TAF1C: variants seen among roughly 807,000 people sequenced by gnomAD.
The protein encoded by TAF1C is TATA-box binding protein associated factor, RNA polymerase I subunit C.
Under a neutral mutation model 70.5 loss-of-function variants are expected in TAF1C, and 79 were observed. That is an observed-to-expected ratio of 1.12 (90% CI 0.93 to 1.35). The LOEUF (loss-of-function observed/expected upper bound fraction) is 1.35, where lower values mean the gene tolerates loss of function less well. Among genes scored for constraint, TAF1C ranks in the 40% most tolerant of loss-of-function variants. The probability of loss-of-function intolerance (pLI) is 0.00; values close to 1 mark genes in which losing one functional copy is unlikely to be tolerated. For missense variants in TAF1C, 1,412 were observed against 1,127.8 expected (o/e 1.25, Z -3.61); for synonymous variants, 614 against 491.1 (o/e 1.25, Z -3.31).
In TAF1C at chr16:84,181,920, A is replaced by C. The variant is rs2089222474; in HGVS notation, c.838+22T>G. 2.5e-6 allele frequency: 4 copies of C among 1,614,060 alleles called. No individual in the cohort carries two copies. The Admixed American group carries it at 5.0e-5, about 20-fold the overall frequency. On this transcript the variant is annotated intron_variant, in intron 8 of 14. Transcript: ENST00000566732. ...GTAGCAGGTCAGCCAGTGAGGGAGG[A>C]AAGTGTATATAAGGGCCTTACTTTC...
chr16:84,183,029 C>T (rs755336465), intron 6 of TAF1C, 47 bp downstream of exon 6: 1 of 1,601,488 alleles, frequency 6.2e-7, no homozygotes, highest in East Asian at 2.2e-5. Context: ...TACATCCCCA[C>T]CACCAGCTAT....
intron 12 of TAF1C, 193 bp downstream of exon 12, chr16:84,180,850 G>T (rs1469714600): frequency 2.1e-6 from 3 of 1,408,368 alleles, no homozygotes; most frequent in Non-Finnish European, 2.8e-6. Context: ...GAGGCCCTGG[G>T]AGAGCTTCCC....
chr16:84,183,126 C>T lies in TAF1C; in HGVS notation c.432G>A (p.Val144=), dbSNP rs769746792. The change falls in exon 6 of 15, where the codon GTG becomes GTA. Residue 144 remains valine, a synonymous_variant. Transcript: ENST00000566732. ...GAGSRTKKKT[V]VSVKKLLQDL... ...CCTGGAGCAGCTTCTTCACACTGAC[C>T]ACTGTCTTCTTCTTAGTGCGGCTCT... 3 of 1,614,126 alleles carry T rather than the reference C, an allele frequency of 1.9e-6. No individual in the cohort carries two copies. In the Admixed American group the frequency reaches 5.0e-5, roughly 27 times the overall value.
In TAF1C at chr16:84,180,300, C is replaced by A. The variant is rs1275517206; in HGVS notation, c.1353G>T (p.Met451Ile). Reference protein sequence around the residue: ...LVDERLPLVPMLKWNHGLPSP... With the variant: ...LVDERLPLVPILKWNHGLPSP... Reference sequence around the variant, plus strand: ...AGGGGAGGCCATGGTTCCACTTCAGCATCGGCACCAGGGGAAGGCGCTCGT... The same window carrying A: ...AGGGGAGGCCATGGTTCCACTTCAGAATCGGCACCAGGGGAAGGCGCTCGT... The change falls in exon 13 of 15, where the codon ATG (methionine) becomes ATT (isoleucine). Residue 451 changes from methionine (M) to isoleucine (I), a missense_variant. Transcript: ENST00000566732. 3.2e-6 allele frequency: 5 copies of A among 1,548,804 alleles called. No individual in the cohort carries two copies. The highest frequency in any genetic ancestry group is 3.5e-6 in the Non-Finnish European group (4 of 1,147,998).
At chr16:84,186,526 C>A (rs1359474409) in intron 1 of TAF1C, among the ~76,000 whole-genome samples, 1 of 152,346 alleles carries the variant, frequency 6.6e-6, no homozygotes, top group East Asian at 1.9e-4. Flanking sequence ...GCACTCCAGC[C>A]TGGGTGACAG....
rs2089151887 is a variant in TAF1C at position 84,181,036 on chromosome 16, C to T, written c.1308+7G>A. The T allele has an allele frequency of 1.3e-6, 2 of 1,597,580 alleles. No homozygotes were observed. The highest frequency in any genetic ancestry group is 1.7e-6 in the Non-Finnish European group (2 of 1,166,724). On this transcript the variant is annotated splice_region_variant and intron_variant, in intron 12 of 14. Transcript: ENST00000566732. ...GGTGGGGCGGGGCGGTGTTGTGTGC[C>T]ACTCACCTGGGTACAGACGAGATGA... is the stretch of plus-strand genomic sequence containing the variant.
At chr16:84,181,725 G>C in intron 9 of TAF1C, 21 bp downstream of exon 9, 3 of 1,613,728 alleles carry the variant, frequency 1.9e-6, no homozygotes, top group Non-Finnish European at 2.5e-6. Flanking sequence ...CCTCCTCACC[G>C]ACCAACCTGA....
rs1308067052 is a variant in TAF1C at position 84,180,356 on chromosome 16, G to A, written c.1309-12C>T. 2.6e-6 allele frequency: 4 copies of A among 1,535,414 alleles called. No homozygotes were observed. The highest frequency in any genetic ancestry group is 3.5e-6 in the Non-Finnish European group (4 of 1,145,072). ...AGGTAGAGAGAGAACTGGGGCCCGA[G>A]AAGGAAGGGGGATGTGGCCGAACTT... On this transcript the variant is annotated splice_polypyrimidine_tract_variant and intron_variant, in intron 12 of 14. Transcript: ENST00000566732.
intron 6 of TAF1C, 53 bp downstream of exon 6, chr16:84,183,023 T>C: frequency 6.3e-7 from 1 of 1,590,668 alleles, no homozygotes; most frequent in Non-Finnish European, 8.6e-7. Flanking sequence ...ACCTCCTACA[T>C]CCCCACCACC....
At position 84,182,263 on chromosome 16, in the gene TAF1C, A is replaced by G; in HGVS notation, c.660T>C (p.Pro220=). Residue 220 remains proline (P), a synonymous_variant, in exon 7 of 15, where the codon CCT becomes CCC. Coordinates refer to ENST00000566732, the MANE Select transcript of TAF1C (RefSeq NM_001243156.2). This position sits in a 1 kb window ranked among gnomAD's most constrained non-coding sequence, Gnocchi z 5.0. The part of the protein sequence containing the change: ...ACTGGALAWV[P]GRTPQFGQLV... ...GCTGCCCGAACTGGGGTGTCCTTCC[A>G]GGAACCCAGGCCAGCGCGCCCCCAG... 6.2e-7 allele frequency: 1 copy of G among 1,613,046 alleles called. No homozygotes were observed. The highest frequency in any genetic ancestry group is 8.5e-7 in the Non-Finnish European group (1 of 1,179,976).
chr16:84,179,922 A>T, intron 14 of TAF1C, 24 bp downstream of exon 14: 1 of 1,597,438 alleles, frequency 6.3e-7, no homozygotes, highest in Non-Finnish European at 8.5e-7. Flanking sequence ...GCGCCCCCCA[A>T]GCTCACTCCC....
Position 84,182,459 on chromosome 16 carries a change from C to A in TAF1C, c.483-19G>T. ...GGGACACCTGGGGACCAGAGAACAG[C>A]AGGAGGATCACTCGGTGGCACTCAG... On this transcript the variant is annotated intron_variant, in intron 6 of 14. Transcript: ENST00000566732. The surrounding 1 kb of genome is among the most constrained non-coding windows in gnomAD (Gnocchi z 5.0). The A allele has an allele frequency of 6.3e-7, 1 of 1,588,842 alleles. No individual in the cohort carries two copies. The highest frequency in any genetic ancestry group is 8.5e-7 in the Non-Finnish European group (1 of 1,170,370).
intron 11 of TAF1C, 54 bp downstream of exon 11, chr16:84,181,274 C>T (rs1179336910): frequency 1.2e-6 from 2 of 1,606,240 alleles, no homozygotes; most frequent in Non-Finnish European, 1.7e-6. Context: ...CTGGGACTCA[C>T]CGCTCTGCGG....
chr16:84,183,327 G>A lies in TAF1C; in HGVS notation c.325C>T (p.Arg109Trp), dbSNP rs773127305. Residue 109 changes from arginine to tryptophan, a missense_variant, in exon 5 of 15, where the codon CGG becomes TGG. Transcript: ENST00000566732. ...ACGTCTCCATGATCCAAGAGGAACC[G>A]GCTGATCTGGGGAGAAGAGGAGGCC... ...VVLDVTEQIS[R>W]FLLDHGDVAF... The A allele has an allele frequency of 1.4e-5, 22 of 1,613,862 alleles. 1 individual carries two copies. Among genetic ancestry groups the A allele is most frequent in the African/African-American group, 5.3e-5 (4 of 74,928 alleles).
intron 2 of TAF1C, among the ~76,000 whole-genome samples, chr16:84,184,642 T>A (rs907511757): frequency 6.6e-6 from 1 of 152,150 alleles, no homozygotes. Flanking sequence ...ATTCTCACGG[T>A]CTCATAAGGG....
intron 1 of TAF1C, 85 bp downstream of exon 1, chr16:84,186,816 G>C (rs1021944770): frequency 1.3e-5 from 2 of 152,284 alleles, no homozygotes; most frequent in African/African-American, 4.8e-5. Context: ...ACTGGGGATT[G>C]GGGGCGTCCC....
chr16:84,180,796 T>G, intron 12 of TAF1C: 1 of 1,258,530 alleles, frequency 7.9e-7, no homozygotes, highest in Non-Finnish European at 1.0e-6. Context: ...AGGCCCCTCC[T>G]CCCCTGCTCC....
rs1465030228 is a variant in TAF1C at position 84,178,282 on chromosome 16, G to A, written c.*659C>T. The A allele has an allele frequency of 8.8e-6, 4 of 455,280 alleles. No individual in the cohort carries two copies. Among genetic ancestry groups the A allele is most frequent in the Non-Finnish European group, 8.8e-6 (2 of 226,184 alleles). 28.2% of individuals were successfully genotyped at this position (455,280 alleles called of 1,614,324 possible). A position where few individuals can be genotyped will look rare whatever the true frequency, so the allele number is the denominator to read the frequency against. ...CAGGTGCCAGACCCATGTCCCAAGGGAGAAGGAACATCAGCCATCATCTCT... is the reference window on the plus strand; with the variant it reads ...CAGGTGCCAGACCCATGTCCCAAGGAAGAAGGAACATCAGCCATCATCTCT... On this transcript the variant is annotated 3_prime_UTR_variant, in exon 15 of 15. Transcript: ENST00000566732.
Position 84,182,390 on chromosome 16 carries a change from C to T in TAF1C, c.533G>A (p.Gly178Glu), listed in dbSNP as rs1175371962. Residue 178 changes from glycine to glutamate, a missense_variant, in exon 7 of 15, where the codon GGG becomes GAG. Gly to Glu is a moderately conservative substitution (Grantham distance 98, BLOSUM62 -2). Transcript: ENST00000566732. The surrounding 1 kb of genome is among the most constrained non-coding windows in gnomAD (Gnocchi z 5.0). The stretch of plus-strand genomic sequence containing the variant: ...CACCGACGTGCCCAGGATGGGGCCC[C>T]CGAGGATAGAGAAGCGGCGCTGTCG... ...SNRQRRFSIL[G>E]GPILGTSVAS... is the part of the protein sequence containing the mutation. 1 of 1,607,032 alleles carries T rather than the reference C, an allele frequency of 6.2e-7. No homozygotes were observed. The highest frequency in any genetic ancestry group is 8.5e-7 in the Non-Finnish European group (1 of 1,178,112).
Sources: allele counts gnomAD v4.1 joint callset (sites outside exome capture counted in the v4.1 genomes callset), GRCh38; gene constraint gnomAD v4.1.1; non-coding constraint Gnocchi (gnomAD v3.1); transcripts MANE v1.5; gene names NCBI Gene and HGNC (gene_info 2026-07-23, HGNC 2026-07-21).